ZNF620: variants seen among roughly 807,000 people sequenced by gnomAD.
ZNF620 encodes the protein zinc finger protein 620.
In ZNF620, 10 loss-of-function variants were observed where a neutral mutation model predicts 13.3. The ratio of observed to expected loss-of-function variants is 0.75; its 90% CI spans 0.46 to 1.28. ZNF620 has a LOEUF of 1.28. ZNF620 is among the 50% of genes most tolerant of loss of function. ZNF620 has a pLI of 0.00. For synonymous variants in ZNF620, 166 were observed against 177.6 expected (o/e 0.93, Z 0.52); for missense variants, 461 against 500.2 (o/e 0.92, Z 0.75).
In ZNF620 at chr3:40,516,894, T is replaced by A. The variant is rs757640783; in HGVS notation, c.*31T>A. Reference sequence around the variant, plus strand: ...TCCATAGTTAGGCCCACTGTGCCTCTCCTTTTTTCTCTTTATTTTCATGCT... The same window carrying A: ...TCCATAGTTAGGCCCACTGTGCCTCACCTTTTTTCTCTTTATTTTCATGCT... On this transcript the variant is annotated 3_prime_UTR_variant, in exon 5 of 5. Transcript: ENST00000314529. 1 of 1,534,754 alleles carries A rather than the reference T, an allele frequency of 6.5e-7. No homozygotes were observed. Among genetic ancestry groups the A allele is most frequent in the Non-Finnish European group, 8.8e-7 (1 of 1,142,022 alleles).
chr3:40,507,170 C>T (rs565694214), intron 2 of ZNF620, among the ~76,000 whole-genome samples: 1 of 142,836 alleles, frequency 7.0e-6, no homozygotes, highest in East Asian at 2.1e-4. Flanking sequence ...TGGTTCACTG[C>T]ACCCTCCACC....
intron 4 of ZNF620, among the ~76,000 whole-genome samples, chr3:40,513,320 T>A (rs978907384): frequency 0.066 from 2,176 of 33,022 alleles, 100 homozygotes; most frequent in African/African-American, 0.15. Context: ...AAAAAAAATA[T>A]ATATATATAT....
At chr3:40,513,315 AAATATATATATAT>A (rs1559550832) in intron 4 of ZNF620, among the ~76,000 whole-genome samples, 2 of 79,692 alleles carry the variant, frequency 2.5e-5, no homozygotes, top group African/African-American at 5.7e-5. Flanking sequence ...AAAAAAAAAA[AAATATATATATAT>A]ATATATATAT....
chr3:40,507,746 G>A (rs1698072672), intron 2 of ZNF620, among the ~76,000 whole-genome samples: 1 of 152,130 alleles, frequency 6.6e-6, no homozygotes, highest in African/African-American at 2.4e-5. Flanking sequence ...TTTAAGTACA[G>A]TTTTGAGTCC....
At position 40,512,385 on chromosome 3, in the gene ZNF620, T is replaced by G; in HGVS notation, c.152-17T>G. 1 of 1,611,186 alleles carries G rather than the reference T, an allele frequency of 6.2e-7. No individual in the cohort carries two copies. The highest frequency in any genetic ancestry group is 8.5e-7 in the Non-Finnish European group (1 of 1,177,484). ...CTGATTCCCCTTACCTTTTCCTGTT[T>G]CTTTCTCCCTGGGCAGCATTCCCAT... On this transcript the variant is annotated splice_polypyrimidine_tract_variant and intron_variant, in intron 3 of 4. Transcript: ENST00000314529.
intron 4 of ZNF620, among the ~76,000 whole-genome samples, chr3:40,513,316 A>AATATATATATAT (rs71618944): frequency 1.8e-4 from 11 of 62,646 alleles, no homozygotes; most frequent in East Asian, 1.4e-3. Context: ...AAAAAAAAAA[A>AATATATATATAT]ATATATATAT....
chr3:40,515,805 TG>T (rs2125663752), intron 4 of ZNF620, 54 bp from the exon 5 acceptor site: 1 of 1,425,166 alleles, frequency 7.0e-7, no homozygotes, highest in Non-Finnish European at 9.6e-7. Context: ...TGTGTGTGTG[TG>T]TGTGTGTGTG....
At chr3:40,510,675 C>G (rs986835601) in intron 2 of ZNF620, among the ~76,000 whole-genome samples, 4 of 152,152 alleles carry the variant, frequency 2.6e-5, no homozygotes. Context: ...GTCTGCTTTT[C>G]TAGTCTAGTT....
At chr3:40,513,316 A>AAATAT (rs1193351404) in intron 4 of ZNF620, among the ~76,000 whole-genome samples, 45 of 62,668 alleles carry the variant, frequency 7.2e-4, no homozygotes, top group African/African-American at 3.3e-3. Flanking sequence ...AAAAAAAAAA[A>AAATAT]ATATATATAT....
chr3:40,514,078 T>C lies in ZNF620; in HGVS notation c.265+1563T>C, dbSNP rs141800743. ...TTTCCCCGGGGGAGTTAGAGAAGAC[T>C]GCTCCACCACCTCTTGTGGAAGGCC... is the stretch of plus-strand genomic sequence containing the variant. On this transcript the variant is annotated intron_variant, in intron 4 of 4. Transcript: ENST00000314529. 4.7e-3 allele frequency among the ~76,000 whole-genome samples: 720 copies of C among 152,222 alleles called. 2 individuals are homozygous for C. The highest frequency in any genetic ancestry group is 8.2e-3 in the Non-Finnish European group (557 of 67,996).
At chr3:40,506,980 G>A (rs368156863) in intron 2 of ZNF620, among the ~76,000 whole-genome samples, 9 of 151,436 alleles carry the variant, frequency 5.9e-5, no homozygotes, top group African/African-American at 2.2e-4. Flanking sequence ...TTTTGTAAAT[G>A]TCCTTTATCA....
Position 40,512,445 on chromosome 3 carries a change from A to G in ZNF620, c.195A>G (p.Gln65=), listed in dbSNP as rs906569002. Residue 65 remains glutamine, a synonymous_variant, in exon 4 of 5, where the codon CAA becomes CAG. Coordinates refer to ENST00000314529, the MANE Select transcript of ZNF620 (RefSeq NM_175888.4). ...CTGTTCTGGTCTCCCAGCTGGAGCA[A>G]GGGGAACTGCCATGGGGCCTCGATC... is the stretch of plus-strand genomic sequence containing the variant. ...TTPVLVSQLE[Q]GELPWGLDPW... is the part of the protein sequence containing the mutation. The G allele has an allele frequency of 4.3e-6, 7 of 1,614,090 alleles. No individual in the cohort carries two copies. Among genetic ancestry groups the G allele is most frequent in the Non-Finnish European group, 5.1e-6 (6 of 1,180,040 alleles).
At chr3:40,515,745 A>T in intron 4 of ZNF620, 115 bp from the exon 5 acceptor site, 1 of 1,344,182 alleles carries the variant, frequency 7.4e-7, no homozygotes, top group Non-Finnish European at 1.0e-6. Flanking sequence ...GGCAAATTAG[A>T]ACCACTTGAT....
chr3:40,509,921 T>C (rs1698143514), intron 2 of ZNF620, among the ~76,000 whole-genome samples: 1 of 152,184 alleles, frequency 6.6e-6, no homozygotes, highest in Non-Finnish European at 1.5e-5. Flanking sequence ...TTGCATGATA[T>C]CTTGAAAATT....
chr3:40,506,408 C>CCCCCAGT, intron 2 of ZNF620, 32 bp downstream of exon 2: 1 of 1,608,294 alleles, frequency 6.2e-7, no homozygotes, highest in Non-Finnish European at 8.5e-7. Flanking sequence ...CCCTCCCACC[C>CCCCCAGT]TTTAGATGTC....
chr3:40,511,742 C>G lies in ZNF620; in HGVS notation c.151+146C>G, dbSNP rs562133320. Reference sequence around the variant, plus strand: ...TGTCGCCCAGGCTGGAGTGCAATGGCGCAATCTCGGCTCACTACAACCTCC... The same window carrying G: ...TGTCGCCCAGGCTGGAGTGCAATGGGGCAATCTCGGCTCACTACAACCTCC... On this transcript the variant is annotated intron_variant, in intron 3 of 4. Coordinates refer to ENST00000314529, the MANE Select transcript of ZNF620 (RefSeq NM_175888.4). 5.7e-6 allele frequency: 6 copies of G among 1,045,964 alleles called. No individual in the cohort carries two copies. In the South Asian group the frequency reaches 1.0e-4, roughly 18 times the overall value. The allele number at this position is 1,045,964 out of a possible 1,614,324, so 64.8% of individuals were successfully genotyped here.
chr3:40,516,740 C>A lies in ZNF620; in HGVS notation c.1146C>A (p.His382Gln). 6.2e-7 allele frequency: 1 copy of A among 1,614,148 alleles called. No homozygotes were observed. Among genetic ancestry groups the A allele is most frequent in the Non-Finnish European group, 8.5e-7 (1 of 1,180,034 alleles). ...AFNQKITLIQ[H>Q]QRVHTGEKPY... ...ATCAGAAAATAACCCTGATTCAGCA[C>A]CAGCGAGTTCACACTGGCGAGAAAC... The change falls in exon 5 of 5, where the codon CAC becomes CAA. Residue 382 changes from histidine (H) to glutamine (Q), a missense_variant. Physicochemically the swap from His to Gln is conservative, Grantham distance 24 (BLOSUM62 0). Coordinates refer to ENST00000314529, the MANE Select transcript of ZNF620 (RefSeq NM_175888.4).
intron 3 of ZNF620, among the ~76,000 whole-genome samples, chr3:40,512,065 C>T (rs576666933): frequency 7.9e-5 from 12 of 152,270 alleles, no homozygotes; most frequent in African/African-American, 2.2e-4. Context: ...GAGAGCCCTG[C>T]GTTCCCAGGT....
At position 40,516,946 on chromosome 3, in the gene ZNF620, C is replaced by T. The variant is rs1698410502; in HGVS notation, c.*83C>T. 6 of 1,446,812 alleles carry T rather than the reference C, an allele frequency of 4.1e-6. No individual in the cohort carries two copies. The highest frequency in any genetic ancestry group is 2.4e-4 in the Middle Eastern group (1 of 4,178). The allele number at this position is 1,446,812 out of a possible 1,614,324, so 89.6% of individuals were successfully genotyped here. On this transcript the variant is annotated 3_prime_UTR_variant, in exon 5 of 5. Transcript: ENST00000314529. ...TTTATCAGTGTCCTCGCTGTCCTTC[C>T]TGGTTAGACACTTGGCTTTCATCAT...
Sources: allele counts gnomAD v4.1 joint callset (sites outside exome capture counted in the v4.1 genomes callset), GRCh38; gene constraint gnomAD v4.1.1; transcripts MANE v1.5; gene names NCBI Gene and HGNC (gene_info 2026-07-23, HGNC 2026-07-21).